ING3: variants seen among roughly 807,000 people sequenced by gnomAD.
ING3 encodes the protein inhibitor of growth family member 3.
In ING3, 6 loss-of-function variants were observed where a neutral mutation model predicts 64.8. The observed-to-expected ratio is 0.09, with a 90% CI of 0.05 to 0.18. ING3 has a LOEUF of 0.18. ING3 is among the 10% of genes least tolerant of loss of function. The probability of loss-of-function intolerance (pLI) is 1.00; values close to 1 mark genes in which losing one functional copy is unlikely to be tolerated. For synonymous variants in ING3, 170 were observed against 173.7 expected, an observed-to-expected ratio of 0.98 and a Z score of 0.17; for missense variants, 310 against 489.7, an observed-to-expected ratio of 0.63 and a Z score of 3.46.
At chr7:120,951,092 G>A in intron 1 of ING3, 72 bp from the exon 2 acceptor site, 1 of 1,561,814 alleles carries the variant, frequency 6.4e-7, no homozygotes, top group Non-Finnish European at 8.8e-7. Flanking sequence ...CCCCCCTGAC[G>A]CACGCGCGCA....
intron 11 of ING3, among the ~76,000 whole-genome samples, chr7:120,974,020 G>A (rs1796104145): frequency 6.6e-6 from 1 of 152,282 alleles, no homozygotes; most frequent in South Asian, 2.1e-4. Context: ...CTGTTTCCCT[G>A]TCTAGAATCC....
chr7:120,973,845 C>T (rs1420527970), intron 11 of ING3, among the ~76,000 whole-genome samples: 2 of 151,946 alleles, frequency 1.3e-5, no homozygotes, highest in Non-Finnish European at 2.9e-5. Context: ...ATTTTGACTC[C>T]CTCCTTATTT....
intron 2 of ING3, among the ~76,000 whole-genome samples, chr7:120,952,570 A>T (rs188278625): frequency 7.9e-5 from 12 of 152,318 alleles, no homozygotes; most frequent in Admixed American, 4.6e-4. Flanking sequence ...ATTATGGATT[A>T]ACAGAACTGT....
intron 1 of ING3, 66 bp from the exon 2 acceptor site, chr7:120,951,098 G>A: frequency 1.3e-6 from 2 of 1,572,558 alleles, no homozygotes; most frequent in South Asian, 1.1e-5. Flanking sequence ...TGACGCACGC[G>A]CGCAGTGACG....
At chr7:120,954,416 A>G (rs904129482) in intron 3 of ING3, among the ~76,000 whole-genome samples, 4 of 151,976 alleles carry the variant, frequency 2.6e-5, no homozygotes, top group South Asian at 2.1e-4. Context: ...ACAGAGTGAC[A>G]GAGTGAGACT....
At chr7:120,953,239 C>T in intron 2 of ING3, 65 bp from the exon 3 acceptor site, 1 of 933,540 alleles carries the variant, frequency 1.1e-6, no homozygotes, top group Non-Finnish European at 1.6e-6. Context: ...CTCCCTAAAT[C>T]AAACCATGTA....
intron 4 of ING3, among the ~76,000 whole-genome samples, chr7:120,961,615 A>T (rs972606168): frequency 2.0e-5 from 3 of 152,218 alleles, no homozygotes; most frequent in African/African-American, 7.2e-5. Context: ...ATATTATAGG[A>T]TGAAGGATTT....
At chr7:120,953,608 A>G (rs117447832) in intron 3 of ING3, among the ~76,000 whole-genome samples, 2 of 152,212 alleles carry the variant, frequency 1.3e-5, no homozygotes, top group Non-Finnish European at 2.9e-5. Flanking sequence ...ATATTGTTTC[A>G]ATAATTACTG....
At chr7:120,951,119 T>C in intron 1 of ING3, 45 bp from the exon 2 acceptor site, 2 of 1,603,590 alleles carry the variant, frequency 1.2e-6, no homozygotes, top group South Asian at 1.1e-5. Flanking sequence ...TAAGCGCGTA[T>C]TTCGCCGTTG....
In ING3 at chr7:120,969,177, C is replaced by T; in HGVS notation, c.881C>T (p.Ala294Val). ...ACACAGAATGCCAGTTCATCAGCAG[C>T]CGACTCACGGAGTGGTCGAAAGAGC... Reference protein sequence around the residue: ...TLTQNASSSAADSRSGRKSKN... With the variant: ...TLTQNASSSAVDSRSGRKSKN... Residue 294 changes from alanine (A) to valine (V), a missense_variant, in exon 9 of 12, where the codon GCC becomes GTC. This residue lies in a region of ING3 where 233 missense variants were observed against 289.4 expected (regional missense o/e 0.81). Transcript: ENST00000315870. 3 of 1,613,544 alleles carry T rather than the reference C, an allele frequency of 1.9e-6. No individual in the cohort carries two copies. The highest frequency in any genetic ancestry group is 1.1e-5 in the South Asian group (1 of 91,016).
Position 120,966,645 on chromosome 7 carries a change from T to G in ING3, c.384T>G (p.Thr128=). The change falls in exon 6 of 12, where the codon ACT becomes ACG. Residue 128 remains threonine, a synonymous_variant. Coordinates refer to ENST00000315870, the MANE Select transcript of ING3 (RefSeq NM_019071.3). The part of the protein sequence containing the change: ...ILERRSLELD[T]PSQPVNNHHA... ...TTTTAGGATCTTTGGAATTAGACACTCCTTCACAGCCAGTGAACAATCACC... is the reference window on the plus strand; with the variant it reads ...TTTTAGGATCTTTGGAATTAGACACGCCTTCACAGCCAGTGAACAATCACC... 6.2e-7 allele frequency: 1 copy of G among 1,613,392 alleles called. No individual in the cohort carries two copies. Among genetic ancestry groups the G allele is most frequent in the Non-Finnish European group, 8.5e-7 (1 of 1,179,312 alleles).
At chr7:120,951,069 C>A (rs925199145) in intron 1 of ING3, 95 bp from the exon 2 acceptor site, 15 of 1,519,394 alleles carry the variant, frequency 9.9e-6, no homozygotes, top group African/African-American at 1.4e-5. Context: ...TTGTGGGCTG[C>A]CGGCCCCCTC....
chr7:120,962,592 A>G (rs1010385573), intron 4 of ING3, among the ~76,000 whole-genome samples: 2 of 152,034 alleles, frequency 1.3e-5, no homozygotes, highest in African/African-American at 2.4e-5. Flanking sequence ...AAAGGTCTTT[A>G]TCTCACCCTA....
rs1185357794 is a variant in ING3 at position 120,968,065 on chromosome 7, G to A, written c.688G>A (p.Ala230Thr). The A allele has an allele frequency of 6.2e-7, 1 of 1,613,982 alleles. No homozygotes were observed. Among genetic ancestry groups the A allele is most frequent in the Non-Finnish European group, 8.5e-7 (1 of 1,180,014 alleles). The change falls in exon 8 of 12, where the codon GCT becomes ACT. Residue 230 changes from alanine (A) to threonine (T), a missense_variant. Coordinates refer to ENST00000315870, the MANE Select transcript of ING3 (RefSeq NM_019071.3). ...TGAGAITMAAAQAVQATAQMK... is the reference protein window; with the variant it reads ...TGAGAITMAATQAVQATAQMK... ...TGCAGGGGCAATTACCATGGCAGCT[G>A]CTCAAGCAGTTCAGGCTACAGCTCA...
intron 4 of ING3, among the ~76,000 whole-genome samples, chr7:120,960,969 C>T (rs1027078919): frequency 6.6e-6 from 1 of 152,188 alleles, no homozygotes; most frequent in Non-Finnish European, 1.5e-5. Context: ...TTAGCAGTCT[C>T]TTGCAGTGCT....
Position 120,974,715 on chromosome 7 carries a change from T to C in ING3, c.1141-13T>C, listed in dbSNP as rs1038578574. 2 of 1,592,036 alleles carry C rather than the reference T, an allele frequency of 1.3e-6. No individual in the cohort carries two copies. Among genetic ancestry groups the C allele is most frequent in the Admixed American group, 1.7e-5 (1 of 59,394 alleles). On this transcript the variant is annotated splice_polypyrimidine_tract_variant and intron_variant, in intron 11 of 11. Coordinates refer to ENST00000315870, the MANE Select transcript of ING3 (RefSeq NM_019071.3). ...AGTACTGAAAACTTGTTTTTTGCAA[T>C]TTTGCTTTCTAGTGCCCTATAGAAT...
chr7:120,957,053 T>C (rs1488155644), intron 4 of ING3: 2 of 211,536 alleles, frequency 9.5e-6, no homozygotes, highest in Non-Finnish European at 1.6e-5. Flanking sequence ...AAGGGAGCTG[T>C]ACCTGGGTCT....
intron 8 of ING3, 61 bp downstream of exon 8, chr7:120,968,152 A>G (rs1246394841): frequency 1.4e-6 from 2 of 1,456,282 alleles, no homozygotes; most frequent in Non-Finnish European, 1.9e-6. Context: ...TGGAAACCTA[A>G]TAGAAATAAC....
chr7:120,959,806 C>T (rs1584990126), intron 4 of ING3, among the ~76,000 whole-genome samples: 1 of 151,270 alleles, frequency 6.6e-6, no homozygotes, highest in Admixed American at 6.6e-5. Flanking sequence ...CCACCACGCC[C>T]GGCTAATTTT....
Sources: allele counts gnomAD v4.1 joint callset (sites outside exome capture counted in the v4.1 genomes callset), GRCh38; gene constraint gnomAD v4.1.1; regional missense constraint gnomAD v4.1.1; transcripts MANE v1.5; gene names NCBI Gene and HGNC (gene_info 2026-07-23, HGNC 2026-07-21).